Variants in RARB observed in about 807,000 individuals in gnomAD.
RARB encodes the protein HBV-activated protein.
A neutral mutation model predicts 51.9 loss-of-function variants in RARB; 17 were observed. That is an observed-to-expected ratio of 0.33 (90% confidence interval 0.22 to 0.49). RARB has a LOEUF of 0.49. Among genes scored for constraint, RARB ranks in the 20% least tolerant of loss-of-function variants. The pLI, the probability that RARB is intolerant of heterozygous loss-of-function variation, is 0.99. For missense variants in RARB, 369 were observed against 550.8 expected, an observed-to-expected ratio of 0.67 and a Z score of 3.30; for synonymous variants, 215 against 195.4, an observed-to-expected ratio of 1.10 and a Z score of -0.84.
intron 5 of RARB, among the ~76,000 whole-genome samples, chr3:25,256,675 G>A (rs1261718368): frequency 2.0e-5 from 3 of 152,108 alleles, no homozygotes; most frequent in Non-Finnish European, 4.4e-5. Context: ...ATAAAGGATG[G>A]AAGGGTGTCA....
chr3:25,298,643 C>T (rs184943457), intron 5 of RARB, among the ~76,000 whole-genome samples: 121 of 152,258 alleles, frequency 7.9e-4, no homozygotes, highest in Non-Finnish European at 1.3e-3. Flanking sequence ...AGCAATCTTC[C>T]TCCTCTGTCT....
At chr3:25,315,417 A>G (rs555367256) in intron 5 of RARB, among the ~76,000 whole-genome samples, 1 of 152,312 alleles carries the variant, frequency 6.6e-6, no homozygotes, top group South Asian at 2.1e-4. Flanking sequence ...ACAGTTTGCT[A>G]GCACCCCTCC....
chr3:25,287,641 A>C (rs1007468186), intron 5 of RARB, among the ~76,000 whole-genome samples: 2 of 152,210 alleles, frequency 1.3e-5, no homozygotes, highest in African/African-American at 4.8e-5. Flanking sequence ...ATGGGTTTCA[A>C]AGAATTTAAG....
intron 5 of RARB, among the ~76,000 whole-genome samples, chr3:25,336,618 C>T (rs550282274): frequency 6.6e-6 from 1 of 152,112 alleles, no homozygotes; most frequent in Admixed American, 6.6e-5. Flanking sequence ...GATGTTCCTT[C>T]CTCTCTGCCC....
At chr3:24,908,346 T>C (rs1409718261) in intron 2 of RARB, among the ~76,000 whole-genome samples, 1 of 151,902 alleles carries the variant, frequency 6.6e-6, no homozygotes, top group Non-Finnish European at 1.5e-5. Context: ...TTAAAAAATA[T>C]GTACCAGTAG....
intron 5 of RARB, among the ~76,000 whole-genome samples, chr3:25,367,828 C>CAAAAAAAAAAAAAAAAAAAA (rs1559374236): frequency 7.2e-6 from 1 of 139,424 alleles, no homozygotes; most frequent in Non-Finnish European, 1.5e-5. Context: ...AAAAAAAAAA[C>CAAAAAAAAAAAAAAAAAAAA]AAAAACAAAA....
chr3:24,852,640 T>C (rs1351572552), intron 1 of RARB, among the ~76,000 whole-genome samples: 1 of 152,222 alleles, frequency 6.6e-6, no homozygotes, highest in African/African-American at 2.4e-5. Flanking sequence ...AATTGTGATA[T>C]ATCTATACAA....
chr3:25,504,061 G>C (rs1231219999), intron 3 of RARB, among the ~76,000 whole-genome samples: 1 of 152,202 alleles, frequency 6.6e-6, no homozygotes, highest in African/African-American at 2.4e-5. Flanking sequence ...GGACATGTCA[G>C]TTCATCTGTA....
chr3:24,936,030 G>GA (rs1191960055), intron 2 of RARB, among the ~76,000 whole-genome samples: 1 of 152,114 alleles, frequency 6.6e-6, no homozygotes, highest in African/African-American at 2.4e-5. Context: ...TTTACTGTTT[G>GA]AAAATAGTGT....
intron 4 of RARB, among the ~76,000 whole-genome samples, chr3:25,166,519 A>G (rs1700564375): frequency 1.3e-5 from 2 of 152,196 alleles, no homozygotes; most frequent in Admixed American, 1.3e-4. Flanking sequence ...AGATTTCCCC[A>G]CACCAAGTTC....
At chr3:24,992,270 G>C (rs1270508174) in intron 2 of RARB, among the ~76,000 whole-genome samples, 1 of 152,132 alleles carries the variant, frequency 6.6e-6, no homozygotes, top group Non-Finnish European at 1.5e-5. Flanking sequence ...TTTCTTCCTT[G>C]TTTATGAGTA....
intron 1 of RARB, among the ~76,000 whole-genome samples, chr3:24,840,101 A>G (rs1488059028): frequency 6.6e-6 from 1 of 152,200 alleles, no homozygotes; most frequent in East Asian, 1.9e-4. Flanking sequence ...CACCTGCAGA[A>G]TGATATAATT....
At chr3:25,212,188 C>T (rs1701715330) in intron 5 of RARB, among the ~76,000 whole-genome samples, 1 of 152,152 alleles carries the variant, frequency 6.6e-6, no homozygotes, top group South Asian at 2.1e-4. Flanking sequence ...TTTTATGTTT[C>T]TAAAATGAAA....
chr3:24,830,420 CGT>C lies in RARB; in HGVS notation c.-459+1038_-459+1039del, dbSNP rs59434163. ...TTGAAAGTGAACAGGTGACAGAAGACGTGTGTGTGTGTGTGTGTGTGTACGTG... is the reference window on the plus strand; with the variant it reads ...TTGAAAGTGAACAGGTGACAGAAGACGTGTGTGTGTGTGTGTGTGTACGTG... On this transcript the variant is annotated intron_variant, in intron 1 of 11. Transcript: ENST00000383772. 2.4e-3 allele frequency among the ~76,000 whole-genome samples: 295 copies of C among 121,482 alleles called. 1 individual carries two copies. The highest frequency in any genetic ancestry group is 0.011 in the East Asian group (43 of 4,008). 79.7% of individuals were successfully genotyped at this position (121,482 alleles called of 152,430 possible).
intron 2 of RARB, among the ~76,000 whole-genome samples, chr3:24,973,779 C>T (rs1467966877): frequency 6.6e-6 from 1 of 151,916 alleles, no homozygotes; most frequent in Non-Finnish European, 1.5e-5. Flanking sequence ...ATAAATACTA[C>T]TGATTTTTGT....
intron 5 of RARB, among the ~76,000 whole-genome samples, chr3:25,250,974 C>G (rs1358851471): frequency 6.6e-6 from 1 of 152,158 alleles, no homozygotes; most frequent in South Asian, 2.1e-4. Context: ...CCCAGCAGAG[C>G]ATGTTACCTT....
At chr3:25,492,369 T>A (rs1696784292) in intron 2 of RARB, among the ~76,000 whole-genome samples, 1 of 152,238 alleles carries the variant, frequency 6.6e-6, no homozygotes, top group East Asian at 1.9e-4. Flanking sequence ...CTAGTAACAT[T>A]TCTTCCCTGG....
chr3:25,216,929 C>A (rs1173554829), intron 5 of RARB, among the ~76,000 whole-genome samples: 1 of 152,006 alleles, frequency 6.6e-6, no homozygotes, highest in African/African-American at 2.4e-5. Flanking sequence ...TCCCATCTTT[C>A]TCTGGCCTAT....
At chr3:24,901,254 T>A (rs1463991107) in intron 2 of RARB, among the ~76,000 whole-genome samples, 2 of 152,222 alleles carry the variant, frequency 1.3e-5, no homozygotes, top group African/African-American at 4.8e-5. Context: ...AATGATTGGG[T>A]ATTTAAAGGA....
Sources: allele counts gnomAD v4.1 joint callset (sites outside exome capture counted in the v4.1 genomes callset), GRCh38; gene constraint gnomAD v4.1.1; transcripts MANE v1.5; gene names NCBI Gene and HGNC (gene_info 2026-07-23, HGNC 2026-07-21).